The following SUCLA2 variants were observed in gnomAD, a reference collection of about 807,000 sequenced individuals.
The protein encoded by SUCLA2 is succinate-CoA ligase ADP-forming subunit beta, also known as succinate--CoA ligase [ADP-forming] subunit beta, mitochondrial.
SUCLA2 carries 30 observed loss-of-function variants against 54.8 expected under a neutral mutation model. The ratio of observed to expected loss-of-function variants is 0.55; its 90% CI spans 0.41 to 0.74. The LOEUF (loss-of-function observed/expected upper bound fraction) is 0.74. Among genes scored for constraint, SUCLA2 ranks in the 30% least tolerant of loss-of-function variants. The pLI is 0.00. For missense variants in SUCLA2, 476 were observed against 562.9 expected (o/e 0.85, Z 1.56); for synonymous variants, 172 against 188.9 (o/e 0.91, Z 0.74).
intron 4 of SUCLA2, among the ~76,000 whole-genome samples, chr13:47,979,564 C>T (rs1345212269): frequency 6.6e-6 from 1 of 152,080 alleles, no homozygotes; most frequent in Non-Finnish European, 1.5e-5. Flanking sequence ...TGCAGCAAAC[C>T]ACCATGGCAC....
At chr13:47,994,770 T>A in intron 2 of SUCLA2, 1 of 940,986 alleles carries the variant, frequency 1.1e-6, no homozygotes, top group Non-Finnish European at 1.3e-6. Flanking sequence ...AGGTATCTGT[T>A]CCAAGGGGCT....
At chr13:48,000,951 G>A in intron 1 of SUCLA2, 5 of 1,401,462 alleles carry the variant, frequency 3.6e-6, no homozygotes, top group East Asian at 2.7e-5. Flanking sequence ...AGCCACGGCC[G>A]GGCCGCCGGG....
chr13:47,985,362 C>T (rs1214784140), intron 4 of SUCLA2, among the ~76,000 whole-genome samples: 3 of 152,012 alleles, frequency 2.0e-5, no homozygotes, highest in African/African-American at 7.2e-5. Flanking sequence ...CATTCACTAG[C>T]TATTCTTTCT....
Position 47,942,845 on chromosome 13 carries a change from C to G in SUCLA2, c.*526G>C, listed in dbSNP as rs1677918502. ...TCAAATAATTACAAAGTTACTTCATCAAAATACTTAGAAGAATATTCTGAG... is the reference window on the plus strand; with the variant it reads ...TCAAATAATTACAAAGTTACTTCATGAAAATACTTAGAAGAATATTCTGAG... On this transcript the variant is annotated 3_prime_UTR_variant, in exon 11 of 11. Coordinates refer to ENST00000646932, the MANE Select transcript of SUCLA2 (RefSeq NM_003850.3). The G allele has an allele frequency of 6.5e-6, 1 of 154,294 alleles. No homozygotes were observed. The highest frequency in any genetic ancestry group is 2.4e-5 in the African/African-American group (1 of 41,442). The allele number at this position is 154,294 out of a possible 1,614,324, so 9.6% of individuals were successfully genotyped here.
rs886050257 is a variant in SUCLA2, at chr13:47,942,940, C to G, written c.*431G>C. ...TCATGTATTTGGTGCTGAAGATAAA[C>G]ACTTTTTACATAAAACATTGTTTTA... On this transcript the variant is annotated 3_prime_UTR_variant, in exon 11 of 11. Coordinates refer to ENST00000646932, the MANE Select transcript of SUCLA2 (RefSeq NM_003850.3). The G allele has an allele frequency of 1.0e-4, 17 of 168,140 alleles. No individual in the cohort carries two copies. In the East Asian group the frequency reaches 2.8e-3, roughly 27 times the overall value. The allele number at this position is 168,140 out of a possible 1,614,324, so 10.4% of individuals were successfully genotyped here. A position where few individuals can be genotyped will look rare whatever the true frequency, so the allele number is the denominator to read the frequency against.
chr13:47,966,528 A>AG (rs1223429416), intron 6 of SUCLA2, among the ~76,000 whole-genome samples: 1 of 150,566 alleles, frequency 6.6e-6, no homozygotes, highest in Non-Finnish European at 1.5e-5. Flanking sequence ...CCGTTTTTAA[A>AG]AAAAAAAAAA....
In SUCLA2 at chr13:47,978,194, G is replaced by A. The variant is rs61972253; in HGVS notation, c.535-4802C>T. On this transcript the variant is annotated intron_variant, in intron 4 of 10. Transcript: ENST00000646932. ...AAATTTCATATGGTACCAAAAAAGA[G>A]CCCATAAAGCCAAGACACTCCTAAG... Among the ~76,000 whole-genome samples the A allele has an allele frequency of 3.1e-3, 476 of 152,148 alleles. 4 individuals carry two copies. Among genetic ancestry groups the A allele is most frequent in the Non-Finnish European group, 5.3e-3 (363 of 68,016 alleles).
intron 4 of SUCLA2, chr13:47,988,160 C>A: frequency 4.5e-6 from 1 of 221,280 alleles, no homozygotes; most frequent in Non-Finnish European, 8.7e-6. Context: ...GAAGATGAGG[C>A]AATGGATACA....
intron 4 of SUCLA2, among the ~76,000 whole-genome samples, chr13:47,983,478 T>C (rs1950074703): frequency 1.4e-5 from 2 of 138,236 alleles, no homozygotes; most frequent in East Asian, 2.3e-4. Flanking sequence ...TTTAGTTTAG[T>C]TTTCTTTTCC....
intron 4 of SUCLA2, among the ~76,000 whole-genome samples, chr13:47,984,544 G>GT (rs1386735137): frequency 6.6e-6 from 1 of 151,986 alleles, no homozygotes; most frequent in African/African-American, 2.4e-5. Context: ...TCTCTTGTTG[G>GT]TATTTTTTTA....
At position 47,973,508 on chromosome 13, in the gene SUCLA2, T is replaced by C. The variant is rs148740101; in HGVS notation, c.535-116A>G. 3,196 of 1,203,822 alleles carry C rather than the reference T, an allele frequency of 2.7e-3. 69 individuals are homozygous for C. The African/African-American group carries it at 0.043, about 16-fold the overall frequency. The allele number at this position is 1,203,822 out of a possible 1,614,324, so 74.6% of individuals were successfully genotyped here. ...AAGCATCTATTACTCTCTACCCACATTTTAAAATTTTCTTGAGAATTTATC... is the reference window on the plus strand; with the variant it reads ...AAGCATCTATTACTCTCTACCCACACTTTAAAATTTTCTTGAGAATTTATC... On this transcript the variant is annotated intron_variant, in intron 4 of 10. Coordinates refer to ENST00000646932, the MANE Select transcript of SUCLA2 (RefSeq NM_003850.3).
At chr13:47,984,184 C>G (rs1248640253) in intron 4 of SUCLA2, among the ~76,000 whole-genome samples, 1 of 151,562 alleles carries the variant, frequency 6.6e-6, no homozygotes, top group Non-Finnish European at 1.5e-5. Context: ...ATTAATAATT[C>G]TACTTTTCAC....
At chr13:47,945,559 C>G (rs1949723160) in intron 10 of SUCLA2, among the ~76,000 whole-genome samples, 1 of 150,916 alleles carries the variant, frequency 6.6e-6, no homozygotes, top group African/African-American at 2.4e-5. Context: ...TCTGTATCTA[C>G]TATGAAGTGT....
At chr13:47,953,279 C>G (rs1366568601) in intron 8 of SUCLA2, among the ~76,000 whole-genome samples, 1 of 152,084 alleles carries the variant, frequency 6.6e-6, no homozygotes, top group Non-Finnish European at 1.5e-5. Context: ...AACTAGAATT[C>G]TAATTCTAGT....
At position 47,973,360 on chromosome 13, in the gene SUCLA2, A is replaced by T. The variant is rs1382151181; in HGVS notation, c.567T>A (p.Gly189=). Residue 189 remains glycine (G), a synonymous_variant, in exon 5 of 11, where the codon GGT becomes GGA. Coordinates refer to ENST00000646932, the MANE Select transcript of SUCLA2 (RefSeq NM_003850.3). ...CAGCAGCAACATCTTCAATGTTGAC[A>T]CCACCATGTGAACTTCCTATTAATA... is the stretch of plus-strand genomic sequence containing the variant. ...GPVLIGSSHG[G]VNIEDVAAES... The T allele has an allele frequency of 1.9e-6, 3 of 1,613,630 alleles. No homozygotes were observed. Among genetic ancestry groups the T allele is most frequent in the Non-Finnish European group, 2.5e-6 (3 of 1,179,894 alleles).
intron 6 of SUCLA2, among the ~76,000 whole-genome samples, chr13:47,966,917 G>A (rs781740331): frequency 1.2e-4 from 19 of 152,118 alleles, no homozygotes; most frequent in Admixed American, 2.6e-4. Context: ...CTACTCAAGA[G>A]GCTGAAGAGG....
intron 8 of SUCLA2, 33 bp from the exon 9 acceptor site, chr13:47,949,636 T>C: frequency 6.2e-7 from 1 of 1,609,208 alleles, no homozygotes; most frequent in Non-Finnish European, 8.5e-7. Flanking sequence ...GATTAAAATT[T>C]AAAAGAAATT....
intron 4 of SUCLA2, among the ~76,000 whole-genome samples, chr13:47,973,882 T>C (rs1949987681): frequency 6.6e-6 from 1 of 152,016 alleles, no homozygotes; most frequent in Non-Finnish European, 1.5e-5. Context: ...AAGTGGGAAC[T>C]GAACAATGAG....
rs558369676 is a variant in SUCLA2 at position 47,955,621 on chromosome 13, A to G, written c.803-1064T>C. Among the ~76,000 whole-genome samples, 18 of 152,292 alleles carry G rather than the reference A, an allele frequency of 1.2e-4. No individual in the cohort carries two copies. The South Asian group carries it at 3.5e-3, about 30-fold the overall frequency. On this transcript the variant is annotated intron_variant, in intron 6 of 10. Transcript: ENST00000646932. The stretch of plus-strand genomic sequence containing the variant: ...AAGCAAAACAGCAGCATCAAAAACT[A>G]TATGTGATCCATAAAGCCTAAAATA...
Sources: allele counts gnomAD v4.1 joint callset (sites outside exome capture counted in the v4.1 genomes callset), GRCh38; gene constraint gnomAD v4.1.1; transcripts MANE v1.5; gene names NCBI Gene and HGNC (gene_info 2026-07-23, HGNC 2026-07-21).